The following COMMD10 variants were observed in gnomAD, a reference collection of about 807,000 sequenced individuals.
COMMD10 encodes COMM domain containing 10, also known as COMM domain-containing protein 10.
COMMD10 carries 33 observed loss-of-function variants against 28.9 expected under a neutral mutation model. The ratio of observed to expected loss-of-function variants is 1.14; its 90% CI spans 0.87 to 1.53. The LOEUF is 1.53. Among genes scored for constraint, COMMD10 ranks in the 40% most tolerant of loss-of-function variants. COMMD10 has a pLI of 0.00. For synonymous variants in COMMD10, 110 were observed against 81.7 expected (o/e 1.35, Z -1.87); for missense variants, 310 against 233.4 (o/e 1.33, Z -2.14).
intron 5 of COMMD10, among the ~76,000 whole-genome samples, chr5:116,217,661 G>A (rs1421848735): frequency 6.6e-6 from 1 of 152,188 alleles, no homozygotes; most frequent in East Asian, 1.9e-4. Flanking sequence ...AGTTAAGTCT[G>A]TGCTGATAGA....
chr5:116,251,564 A>G (rs1750121164), intron 5 of COMMD10, among the ~76,000 whole-genome samples: 1 of 150,238 alleles, frequency 6.7e-6, no homozygotes, highest in African/African-American at 2.5e-5. Flanking sequence ...TGTTCTTGCG[A>G]TAGTTTACTG....
At chr5:116,155,325 G>T (rs929117330) in intron 5 of COMMD10, among the ~76,000 whole-genome samples, 2 of 152,010 alleles carry the variant, frequency 1.3e-5, no homozygotes, top group Non-Finnish European at 2.9e-5. Context: ...TTTGTGCATT[G>T]TCCTTATGTT....
At chr5:116,179,769 A>G (rs1194353796) in intron 5 of COMMD10, among the ~76,000 whole-genome samples, 1 of 152,116 alleles carries the variant, frequency 6.6e-6, no homozygotes, top group Admixed American at 6.6e-5. Context: ...AGTTTTATCA[A>G]CTGGAAGGTC....
chr5:116,229,674 A>G (rs1041946488), intron 5 of COMMD10, among the ~76,000 whole-genome samples: 1 of 152,038 alleles, frequency 6.6e-6, no homozygotes, highest in Non-Finnish European at 1.5e-5. Context: ...CTAGAAAACA[A>G]ATTATGACAG....
intron 5 of COMMD10, among the ~76,000 whole-genome samples, chr5:116,243,665 G>A (rs1749869788): frequency 1.3e-5 from 2 of 152,088 alleles, no homozygotes; most frequent in Non-Finnish European, 1.5e-5. Flanking sequence ...GATATCCCTG[G>A]ATTAATGATT....
rs555530961 is a variant in COMMD10, at chr5:116,175,443, T to C, written c.510+41265T>C. On this transcript the variant is annotated intron_variant, in intron 5 of 6. Coordinates refer to ENST00000274458, the MANE Select transcript of COMMD10 (RefSeq NM_016144.4). ...TTACCGGTGGCAATGAATGTAAAAT[T>C]GTATAGCCACTCTGGAAAACAATAT... Among the ~76,000 whole-genome samples, 56 of 152,196 alleles carry C rather than the reference T, an allele frequency of 3.7e-4. No homozygotes were observed. The South Asian group carries it at 5.8e-3, about 16-fold the overall frequency.
rs921345368 is a variant in COMMD10, at chr5:116,270,181, G to T, written c.511-21336G>T. On this transcript the variant is annotated intron_variant, in intron 5 of 6. Transcript: ENST00000274458. ...CCTTTTACTAAAGGGAAGGAGATGG[G>T]ATGAATGGCAGACTTTAACTGGATG... Among the ~76,000 whole-genome samples the T allele has an allele frequency of 1.5e-3, 225 of 151,980 alleles. 7 individuals carry two copies. Among genetic ancestry groups the T allele is most frequent in the African/African-American group, 5.4e-3 (225 of 41,304 alleles).
chr5:116,143,184 A>G (rs17138970), intron 5 of COMMD10, among the ~76,000 whole-genome samples: 3,250 of 151,270 alleles, frequency 0.021, 115 homozygotes, highest in African/African-American at 0.075. Context: ...ACGCAATGCA[A>G]ACTTCCTCCA....
intron 5 of COMMD10, among the ~76,000 whole-genome samples, chr5:116,266,911 C>A (rs184390227): frequency 1.3e-5 from 2 of 151,894 alleles, no homozygotes; most frequent in East Asian, 1.9e-4. Context: ...TCATGCTAAA[C>A]ACTCTCAATA....
At chr5:116,134,687 C>T (rs1561622573) in intron 5 of COMMD10, among the ~76,000 whole-genome samples, 1 of 152,172 alleles carries the variant, frequency 6.6e-6, no homozygotes, top group South Asian at 2.1e-4. Context: ...GTGGCGCGAT[C>T]TCGGCTCACT....
intron 5 of COMMD10, among the ~76,000 whole-genome samples, chr5:116,190,446 A>T (rs1449538726): frequency 6.6e-6 from 1 of 152,228 alleles, no homozygotes; most frequent in Non-Finnish European, 1.5e-5. Context: ...ATATGTACAG[A>T]AATTGCTACC....
intron 5 of COMMD10, among the ~76,000 whole-genome samples, chr5:116,206,335 C>G (rs895707266): frequency 6.6e-6 from 1 of 152,116 alleles, no homozygotes; most frequent in South Asian, 2.1e-4. Flanking sequence ...TCATTGATTT[C>G]TAGCACTGGA....
At chr5:116,105,825 T>C (rs1401590233) in intron 4 of COMMD10, among the ~76,000 whole-genome samples, 1 of 152,186 alleles carries the variant, frequency 6.6e-6, no homozygotes, top group Non-Finnish European at 1.5e-5. Flanking sequence ...CATTTTCTAT[T>C]GTGTGTATTT....
intron 4 of COMMD10, among the ~76,000 whole-genome samples, chr5:116,097,069 G>C (rs542233435): frequency 5.3e-5 from 8 of 151,970 alleles, no homozygotes; most frequent in African/African-American, 1.7e-4. Context: ...TCTTCATGAT[G>C]AAAGTTTGTT....
At chr5:116,173,988 G>A (rs1043455176) in intron 5 of COMMD10, among the ~76,000 whole-genome samples, 3 of 151,922 alleles carry the variant, frequency 2.0e-5, no homozygotes, top group Non-Finnish European at 4.4e-5. Context: ...AGTAACCAAA[G>A]CAAAGTCCTT....
At position 116,237,675 on chromosome 5, in the gene COMMD10, A is replaced by C. The variant is rs141997710; in HGVS notation, c.511-53842A>C. 1.6e-3 allele frequency among the ~76,000 whole-genome samples: 240 copies of C among 152,274 alleles called. 2 individuals are homozygous for C. Among genetic ancestry groups the C allele is most frequent in the African/African-American group, 5.4e-3 (224 of 41,572 alleles). On this transcript the variant is annotated intron_variant, in intron 5 of 6. Coordinates refer to ENST00000274458, the MANE Select transcript of COMMD10 (RefSeq NM_016144.4). ...AAAAAGAGGCAAGATTTTTAAGCTGAAGTACTCTTAGGAAATATTTCACAT... is the reference window on the plus strand; with the variant it reads ...AAAAAGAGGCAAGATTTTTAAGCTGCAGTACTCTTAGGAAATATTTCACAT...
At chr5:116,251,290 A>ATTATT (rs1554055490) in intron 5 of COMMD10, among the ~76,000 whole-genome samples, 2 of 136,930 alleles carry the variant, frequency 1.5e-5, no homozygotes, top group Admixed American at 1.4e-4. Context: ...TTATTTATTT[A>ATTATT]TTTATTTATT....
At chr5:116,265,274 C>G (rs1750555797) in intron 5 of COMMD10, among the ~76,000 whole-genome samples, 1 of 151,504 alleles carries the variant, frequency 6.6e-6, no homozygotes, top group Non-Finnish European at 1.5e-5. Context: ...CCCCAAAAGT[C>G]AGGATTTTTC....
chr5:116,259,882 G>C (rs1367578211), intron 5 of COMMD10, among the ~76,000 whole-genome samples: 1 of 151,634 alleles, frequency 6.6e-6, no homozygotes, highest in African/African-American at 2.4e-5. Flanking sequence ...CATGAGCTTT[G>C]AGTTTCTCTG....
Sources: gnomAD v4.1 joint callset for allele counts (sites outside exome capture counted in the v4.1 genomes callset) on GRCh38, gnomAD v4.1.1 for gene constraint, MANE v1.5 for transcripts, NCBI Gene and HGNC (gene_info 2026-07-23, HGNC 2026-07-21) for gene names.